The following FRAS1 variants were observed in gnomAD, a reference collection of about 807,000 sequenced individuals.
FRAS1 encodes Fraser extracellular matrix complex subunit 1.
FRAS1 carries 290 observed loss-of-function variants against 435.2 expected under a neutral mutation model. That is an observed-to-expected ratio of 0.67 (90% confidence interval 0.61 to 0.73). The LOEUF is 0.73. Among genes scored for constraint, FRAS1 ranks in the 30% least tolerant of loss-of-function variants. FRAS1 has a pLI of 0.00. For synonymous variants in FRAS1, 1,800 were observed against 1,851.0 expected (o/e 0.97, Z 0.71); for missense variants, 4,860 against 5,001.5 (o/e 0.97, Z 0.85).
At chr4:78,470,230 T>C (rs998501193) in intron 51 of FRAS1, 139 bp downstream of exon 51, 12 of 617,658 alleles carry the variant, frequency 1.9e-5, no homozygotes, top group Admixed American at 5.9e-5. Context: ...CTGAGATTAG[T>C]GAGCTCCGTG....
rs754671281 is a variant in FRAS1 at position 78,526,592 on chromosome 4, G to A, written c.10860G>A (p.Gln3620=). ...YTIYLIPCTV[Q]PTQPWVDPGE... Reference sequence around the variant, plus strand: ...TCTACCTGATCCCTTGCACAGTGCAGCCCACACAGCCATGGGTTGACCCAG... The same window carrying A: ...TCTACCTGATCCCTTGCACAGTGCAACCCACACAGCCATGGGTTGACCCAG... Residue 3620 remains glutamine, a synonymous_variant, in exon 70 of 74, where the codon CAG becomes CAA. Coordinates refer to ENST00000512123, the MANE Select transcript of FRAS1 (RefSeq NM_025074.7). 3.1e-5 allele frequency: 50 copies of A among 1,602,552 alleles called. No individual in the cohort carries two copies. The South Asian group carries it at 5.6e-4, about 18-fold the overall frequency.
chr4:78,503,984 T>C (rs1720755625), intron 61 of FRAS1, among the ~76,000 whole-genome samples: 1 of 152,252 alleles, frequency 6.6e-6, no homozygotes, highest in Non-Finnish European at 1.5e-5. Flanking sequence ...CCAGTAGTTA[T>C]TCAGGAGCAG....
chr4:78,342,880 G>A (rs1358521940), intron 20 of FRAS1, among the ~76,000 whole-genome samples: 1 of 152,068 alleles, frequency 6.6e-6, no homozygotes, highest in Non-Finnish European at 1.5e-5. Flanking sequence ...AAAGTCTGGG[G>A]GATTAAAAAT....
At chr4:78,192,641 C>T (rs757347278) in intron 2 of FRAS1, among the ~76,000 whole-genome samples, 4 of 151,956 alleles carry the variant, frequency 2.6e-5, no homozygotes, top group African/African-American at 9.7e-5. Flanking sequence ...TTTTTTAGTA[C>T]GCCTATTTGA....
At chr4:78,084,450 C>T (rs537433344) in intron 2 of FRAS1, among the ~76,000 whole-genome samples, 3 of 152,106 alleles carry the variant, frequency 2.0e-5, no homozygotes, top group African/African-American at 7.2e-5. Flanking sequence ...CAAAAAACTA[C>T]AGGGCGTCTT....
intron 6 of FRAS1, 58 bp from the exon 7 acceptor site, chr4:78,264,967 T>G: frequency 1.9e-6 from 2 of 1,030,156 alleles, no homozygotes; most frequent in Non-Finnish European, 3.0e-6. Flanking sequence ...ATTTTCCTGC[T>G]GTTGTGGATC....
intron 2 of FRAS1, among the ~76,000 whole-genome samples, chr4:78,185,593 A>G (rs1232503334): frequency 6.6e-6 from 1 of 152,202 alleles, no homozygotes; most frequent in Non-Finnish European, 1.5e-5. Flanking sequence ...AAAAAACTCC[A>G]GCAAGTTGTG....
intron 3 of FRAS1, among the ~76,000 whole-genome samples, chr4:78,244,946 T>A (rs1282301755): frequency 6.6e-6 from 1 of 152,158 alleles, no homozygotes; most frequent in African/African-American, 2.4e-5. Context: ...TGTGTAAATC[T>A]CCTAGGGTTT....
rs369950838 is a variant in FRAS1, at chr4:78,508,764, G to A, written c.9538G>A (p.Glu3180Lys). ...VTLADYDHVE[E>K]VTKEGVKKSP... ...ACTTGCTGACTATGACCATGTGGAAGAAGTTACCAAGGAAGGAGTCAAGAA... is the reference window on the plus strand; with the variant it reads ...ACTTGCTGACTATGACCATGTGGAAAAAGTTACCAAGGAAGGAGTCAAGAA... Residue 3180 changes from glutamate to lysine, a missense_variant, in exon 63 of 74, where the codon GAA (glutamate) becomes AAA (lysine). Glu to Lys is a moderately conservative substitution (Grantham distance 56, BLOSUM62 1). Coordinates refer to ENST00000512123, the MANE Select transcript of FRAS1 (RefSeq NM_025074.7). 2.0e-5 allele frequency: 33 copies of A among 1,613,674 alleles called. No homozygotes were observed. Among genetic ancestry groups the A allele is most frequent in the Non-Finnish European group, 2.6e-5 (31 of 1,179,818 alleles).
In FRAS1 at chr4:78,257,854, C is replaced by T. The variant is rs141238604; in HGVS notation, c.603+2479C>T. Among the ~76,000 whole-genome samples, 421 of 152,220 alleles carry T rather than the reference C, an allele frequency of 2.8e-3. 1 individual carries two copies. The highest frequency in any genetic ancestry group is 9.4e-3 in the African/African-American group (389 of 41,540). ...AGGATGTAAATTCATACTGAAATTG[C>T]CTGCTTTCAACTTTTGTCCAGATTC... On this transcript the variant is annotated intron_variant, in intron 6 of 73. Transcript: ENST00000512123.
chr4:78,461,951 G>A (rs1196268706), intron 47 of FRAS1, among the ~76,000 whole-genome samples: 3 of 147,724 alleles, frequency 2.0e-5, no homozygotes, highest in East Asian at 3.9e-4. Flanking sequence ...TTTGGGTTGG[G>A]GTAGGCGACG....
At chr4:78,271,737 T>C (rs1166853300) in intron 9 of FRAS1, among the ~76,000 whole-genome samples, 3 of 152,220 alleles carry the variant, frequency 2.0e-5, no homozygotes, top group Admixed American at 1.3e-4. Context: ...GGGTTGGTTC[T>C]GAGTCTTTGC....
chr4:78,442,202 G>A (rs1205529714), intron 41 of FRAS1, among the ~76,000 whole-genome samples: 2 of 152,240 alleles, frequency 1.3e-5, no homozygotes, highest in African/African-American at 4.8e-5. Flanking sequence ...TCCTTTCAAT[G>A]TGTGCCTTAG....
intron 2 of FRAS1, among the ~76,000 whole-genome samples, chr4:78,075,161 C>T (rs1740575234): frequency 6.6e-6 from 1 of 152,128 alleles, no homozygotes; most frequent in Non-Finnish European, 1.5e-5. Flanking sequence ...GTGTTGATAT[C>T]CCTGCACCTC....
chr4:78,335,352 T>G (rs1238234822), intron 19 of FRAS1, among the ~76,000 whole-genome samples: 1 of 152,206 alleles, frequency 6.6e-6, no homozygotes, highest in African/African-American at 2.4e-5. Context: ...TAATTGTACT[T>G]CCTCATGGCA....
chr4:78,161,742 C>CAAAAAAAAAAAAAAAAAAAAAA (rs71214399), intron 2 of FRAS1, among the ~76,000 whole-genome samples: 17 of 24,890 alleles, frequency 6.8e-4, no homozygotes, highest in Middle Eastern at 0.038. Context: ...AACTCTGTCT[C>CAAAAAAAAAAAAAAAAAAAAAA]AAAAAAAAAA....
rs113849569 is a variant in FRAS1 at position 78,430,326 on chromosome 4, G to C, written c.4878G>C (p.Ala1626=). The part of the protein sequence containing the change: ...LQVVVRDAET[A]PKELFFELRR... ...TGGTAGTAAGAGATGCTGAGACAGC[G>C]CCCAAAGAACTCTTCTTTGAGCTTC... Residue 1626 remains alanine (A), a synonymous_variant, in exon 37 of 74, where the codon GCG becomes GCC. Transcript: ENST00000512123. The C allele has an allele frequency of 6.2e-7, 1 of 1,613,804 alleles. No individual in the cohort carries two copies. The highest frequency in any genetic ancestry group is 1.1e-5 in the South Asian group (1 of 91,064).
intron 58 of FRAS1, among the ~76,000 whole-genome samples, chr4:78,485,010 A>C (rs748092150): frequency 1.3e-5 from 2 of 152,258 alleles, no homozygotes; most frequent in Non-Finnish European, 2.9e-5. Context: ...ATTCTTTTGC[A>C]TGAAATGACC....
chr4:78,252,386 A>T lies in FRAS1; in HGVS notation c.310-6A>T, dbSNP rs373521748. ...CTTTTTTTTTTTCTGTCTCCCTAAC[A>T]CACAGCATGGGACAGAATGGGCCTC... On this transcript the variant is annotated splice_region_variant and splice_polypyrimidine_tract_variant and intron_variant, in intron 4 of 73. Transcript: ENST00000512123. The T allele has an allele frequency of 3.0e-5, 49 of 1,611,424 alleles. 1 individual carries two copies. Among genetic ancestry groups the T allele is most frequent in the Admixed American group, 2.0e-4 (12 of 59,776 alleles).
Sources: gnomAD v4.1 joint callset for allele counts (sites outside exome capture counted in the v4.1 genomes callset) on GRCh38, gnomAD v4.1.1 for gene constraint, MANE v1.5 for transcripts, NCBI Gene and HGNC (gene_info 2026-07-23, HGNC 2026-07-21) for gene names.